The following CSMD2 variants were observed in gnomAD, a reference collection of about 807,000 sequenced individuals.
CSMD2 encodes the protein CUB and Sushi multiple domains 2, also known as CUB and sushi domain-containing protein 2.
Under a neutral mutation model 398.5 loss-of-function variants are expected in CSMD2, and 130 were observed. The ratio of observed to expected loss-of-function variants is 0.33; its 90% CI spans 0.28 to 0.38. CSMD2 has a LOEUF of 0.38. Ranked by LOEUF, CSMD2 falls within the 10% of genes least tolerant of loss-of-function variation. The pLI is 1.00. For missense variants in CSMD2, 3,829 were observed against 4,764.9 expected, an observed-to-expected ratio of 0.80 and a Z score of 5.78; for synonymous variants, 1,828 against 1,908.5, an observed-to-expected ratio of 0.96 and a Z score of 1.10.
At chr1:33,904,959 T>C (rs1248266678) in intron 5 of CSMD2, among the ~76,000 whole-genome samples, 1 of 151,966 alleles carries the variant, frequency 6.6e-6, no homozygotes, top group Non-Finnish European at 1.5e-5. Flanking sequence ...AGGTTTTATG[T>C]TATATATATT....
At chr1:33,664,311 T>C (rs1644238766) in intron 25 of CSMD2, among the ~76,000 whole-genome samples, 1 of 152,230 alleles carries the variant, frequency 6.6e-6, no homozygotes, top group Non-Finnish European at 1.5e-5. Flanking sequence ...TAGTTTTCTA[T>C]AACTTTCTTT....
chr1:33,630,432 C>G (rs1293300999), intron 32 of CSMD2, among the ~76,000 whole-genome samples: 1 of 152,166 alleles, frequency 6.6e-6, no homozygotes, highest in African/African-American at 2.4e-5. Flanking sequence ...TTACTCCTAA[C>G]ACTAACTTTA....
chr1:33,701,312 G>T (rs943650284), intron 22 of CSMD2, among the ~76,000 whole-genome samples: 3 of 152,188 alleles, frequency 2.0e-5, no homozygotes, highest in South Asian at 4.1e-4. Context: ...GGGTGGAATC[G>T]TACAGGCATC....
chr1:33,542,950 G>A, intron 57 of CSMD2, 54 bp from the exon 58 acceptor site: 9 of 1,529,030 alleles, frequency 5.9e-6, no homozygotes, highest in Non-Finnish European at 8.1e-6. Flanking sequence ...GTATCACCTA[G>A]GGGACTGATA....
intron 1 of CSMD2, among the ~76,000 whole-genome samples, chr1:34,146,844 C>T (rs2148541329): frequency 6.6e-6 from 1 of 152,132 alleles, no homozygotes; most frequent in South Asian, 2.1e-4. Context: ...ATGAAGACTT[C>T]AGTGTGTGGA....
chr1:33,701,423 C>T (rs1048210145), intron 22 of CSMD2, among the ~76,000 whole-genome samples: 1 of 152,238 alleles, frequency 6.6e-6, no homozygotes, highest in Non-Finnish European at 1.5e-5. Context: ...AAGGTTGCTG[C>T]TCCTTTCCAG....
chr1:33,547,231 C>A (rs151156275), intron 56 of CSMD2, among the ~76,000 whole-genome samples: 1 of 152,088 alleles, frequency 6.6e-6, no homozygotes, highest in Non-Finnish European at 1.5e-5. Flanking sequence ...ACCCAAGGAG[C>A]GAAGAAGGGT....
chr1:33,669,271 G>C (rs912836802), intron 25 of CSMD2, among the ~76,000 whole-genome samples: 4 of 152,204 alleles, frequency 2.6e-5, no homozygotes, highest in Admixed American at 2.6e-4. Context: ...CAGTTTTGAA[G>C]AAAGGAAAGT....
At chr1:34,021,115 C>T (rs909076806) in intron 3 of CSMD2, among the ~76,000 whole-genome samples, 2 of 152,134 alleles carry the variant, frequency 1.3e-5, no homozygotes, top group Admixed American at 1.3e-4. Context: ...AAAGAATAAT[C>T]CAAAACAGTG....
Position 33,580,828 on chromosome 1 carries a change from A to G in CSMD2, c.7312T>C (p.Ser2438Pro). ...NYSAPLIVTSSSNSVYLRWSS... is the reference protein window; with the variant it reads ...NYSAPLIVTSPSNSVYLRWSS... Reference sequence around the variant, plus strand: ...CAACGCAGGTACACAGAGTTGCTTGAGCTGGTGACAATCAGGGGAGCTGAG... The same window carrying G: ...CAACGCAGGTACACAGAGTTGCTTGGGCTGGTGACAATCAGGGGAGCTGAG... Residue 2438 changes from serine (S) to proline (P), a missense_variant, in exon 48 of 71, where the codon TCA becomes CCA. Around this residue, in one of 5 missense-constraint regions of CSMD2, gnomAD observed 723 missense variants for 758.6 expected, o/e 0.95. Coordinates refer to ENST00000373381, the MANE Select transcript of CSMD2 (RefSeq NM_001281956.2). 1.2e-6 allele frequency: 2 copies of G among 1,614,092 alleles called. No individual in the cohort carries two copies. The highest frequency in any genetic ancestry group is 8.5e-7 in the Non-Finnish European group (1 of 1,180,012).
intron 13 of CSMD2, among the ~76,000 whole-genome samples, chr1:33,752,228 T>C (rs1648351214): frequency 6.6e-6 from 1 of 152,208 alleles, no homozygotes; most frequent in African/African-American, 2.4e-5. Flanking sequence ...CAGGTTGAAA[T>C]GTAATCCCCA....
intron 21 of CSMD2, among the ~76,000 whole-genome samples, chr1:33,712,312 T>C (rs576670483): frequency 2.0e-5 from 3 of 152,180 alleles, no homozygotes; most frequent in Admixed American, 6.5e-5. Context: ...TCAGGGGCTA[T>C]GTCACCTCCC....
chr1:33,550,008 T>C (rs1657281836), intron 56 of CSMD2, among the ~76,000 whole-genome samples, 169 bp downstream of exon 56: 1 of 152,182 alleles, frequency 6.6e-6, no homozygotes, highest in African/African-American at 2.4e-5. Flanking sequence ...AAGCTGAAGC[T>C]CCATTGGGAC....
At chr1:34,136,939 T>A (rs1254904156) in intron 1 of CSMD2, among the ~76,000 whole-genome samples, 1 of 152,076 alleles carries the variant, frequency 6.6e-6, no homozygotes, top group South Asian at 2.1e-4. Context: ...CTTCCACTCA[T>A]CTTTCCATTC....
chr1:33,797,325 G>A (rs1308273283), intron 10 of CSMD2, among the ~76,000 whole-genome samples: 1 of 152,100 alleles, frequency 6.6e-6, no homozygotes, highest in East Asian at 1.9e-4. Flanking sequence ...TCCTCTCTTT[G>A]TACTCTTTCT....
At chr1:33,778,182 C>A (rs1652243306) in intron 12 of CSMD2, among the ~76,000 whole-genome samples, 2 of 152,140 alleles carry the variant, frequency 1.3e-5, no homozygotes, top group African/African-American at 4.8e-5. Flanking sequence ...ACTTTTCTTT[C>A]TTTGCACCCC....
chr1:34,079,439 A>T lies in CSMD2; in HGVS notation c.404+9538T>A, dbSNP rs1457152662. Reference sequence around the variant, plus strand: ...CTAACAATGGCTAGTCCAAAAACAAATTTTTTAAAAAACCCATTCACAATA... The same window carrying T: ...CTAACAATGGCTAGTCCAAAAACAATTTTTTTAAAAAACCCATTCACAATA... On this transcript the variant is annotated intron_variant, in intron 2 of 70. Coordinates refer to ENST00000373381, the MANE Select transcript of CSMD2 (RefSeq NM_001281956.2). Among the ~76,000 whole-genome samples, 5 of 152,220 alleles carry T rather than the reference A, an allele frequency of 3.3e-5. No individual in the cohort carries two copies. In the East Asian group the frequency reaches 7.7e-4, roughly 23 times the overall value.
intron 3 of CSMD2, among the ~76,000 whole-genome samples, chr1:34,018,004 AAAC>A (rs1648366324): frequency 6.6e-6 from 1 of 152,156 alleles, no homozygotes; most frequent in Admixed American, 6.5e-5. Flanking sequence ...TTTATCACAC[AAAC>A]AACACTTGAG....
chr1:33,581,859 C>A (rs981118532), intron 47 of CSMD2, among the ~76,000 whole-genome samples: 8 of 152,194 alleles, frequency 5.3e-5, no homozygotes, highest in Admixed American at 5.2e-4. Flanking sequence ...ACTGAGACAG[C>A]TCTTAGAAGC....
Sources: allele counts gnomAD v4.1 joint callset (sites outside exome capture counted in the v4.1 genomes callset), GRCh38; gene constraint gnomAD v4.1.1; regional missense constraint gnomAD v4.1.1; transcripts MANE v1.5; gene names NCBI Gene and HGNC (gene_info 2026-07-23, HGNC 2026-07-21).